PCDH9: variants seen among roughly 807,000 people sequenced by gnomAD.
PCDH9 encodes the protein protocadherin 9.
PCDH9 carries 24 observed loss-of-function variants against 70.6 expected under a neutral mutation model. The ratio of observed to expected loss-of-function variants is 0.34; its 90% CI spans 0.25 to 0.48. PCDH9 has a LOEUF of 0.48. PCDH9 is among the 20% of genes least tolerant of loss of function. PCDH9 has a pLI of 0.99. For synonymous variants in PCDH9, 562 were observed against 558.5 expected (o/e 1.01, Z -0.09); for missense variants, 1,281 against 1,503.6 (o/e 0.85, Z 2.45).
At chr13:67,076,295 A>C (rs1005592433) in intron 2 of PCDH9, among the ~76,000 whole-genome samples, 3 of 152,158 alleles carry the variant, frequency 2.0e-5, no homozygotes, top group Non-Finnish European at 4.4e-5. Flanking sequence ...AGAGCATTTG[A>C]ATTTGTGAGA....
chr13:67,097,640 G>A lies in PCDH9; in HGVS notation c.3036+127765C>T, dbSNP rs114337271. Among the ~76,000 whole-genome samples, 1,391 of 152,102 alleles carry A rather than the reference G, an allele frequency of 9.1e-3. 22 individuals are homozygous for A. The highest frequency in any genetic ancestry group is 0.031 in the African/African-American group (1,300 of 41,498). On this transcript the variant is annotated intron_variant, in intron 2 of 4. Coordinates refer to ENST00000377865, the MANE Select transcript of PCDH9 (RefSeq NM_203487.3). ...TTCTGCTCTCACAATCATTTGACCT[G>A]TAATTACTGATTTCAGTAAAAACAA...
At chr13:66,807,437 AT>A in intron 3 of PCDH9, among the ~76,000 whole-genome samples, 1 of 152,304 alleles carries the variant, frequency 6.6e-6, no homozygotes, top group East Asian at 1.9e-4. Context: ...AAAAACAAAT[AT>A]TATGGGGTGT....
chr13:66,983,412 AAAG>A (rs1424376132), intron 2 of PCDH9, among the ~76,000 whole-genome samples: 1 of 152,188 alleles, frequency 6.6e-6, no homozygotes, highest in East Asian at 1.9e-4. Flanking sequence ...CTAAGAAAAA[AAAG>A]TTTTCATTTC....
At chr13:66,606,503 T>C (rs1296218170) in intron 4 of PCDH9, among the ~76,000 whole-genome samples, 1 of 152,120 alleles carries the variant, frequency 6.6e-6, no homozygotes, top group African/African-American at 2.4e-5. Flanking sequence ...GTTAGGATGA[T>C]AATAGGTCTT....
At chr13:66,894,107 CT>C (rs2082138015) in intron 3 of PCDH9, among the ~76,000 whole-genome samples, 1 of 152,126 alleles carries the variant, frequency 6.6e-6, no homozygotes, top group African/African-American at 2.4e-5. Flanking sequence ...CTCTTTCTCT[CT>C]CATGCATAAG....
chr13:66,385,301 T>G (rs1475282992), intron 4 of PCDH9, among the ~76,000 whole-genome samples: 1 of 152,152 alleles, frequency 6.6e-6, no homozygotes, highest in Non-Finnish European at 1.5e-5. Flanking sequence ...TCTGTATGTA[T>G]AGTACAAAGA....
intron 3 of PCDH9, among the ~76,000 whole-genome samples, chr13:66,730,935 G>A (rs2079071741): frequency 1.5e-5 from 2 of 130,542 alleles, no homozygotes. Context: ...ATGCTGCCGA[G>A]GCTGTCTCAA....
At chr13:66,359,788 C>T (rs1028300559) in intron 4 of PCDH9, among the ~76,000 whole-genome samples, 12 of 152,142 alleles carry the variant, frequency 7.9e-5, no homozygotes, top group Non-Finnish European at 1.5e-4. Context: ...CTAAGCTTAA[C>T]CATTCAGTTT....
chr13:66,617,548 T>G (rs2077371357), intron 4 of PCDH9, among the ~76,000 whole-genome samples: 1 of 152,120 alleles, frequency 6.6e-6, no homozygotes, highest in South Asian at 2.1e-4. Context: ...AACCTTAAAC[T>G]GGTTGACTTA....
intron 2 of PCDH9, among the ~76,000 whole-genome samples, chr13:66,983,811 T>C (rs1379040478): frequency 6.6e-6 from 1 of 151,662 alleles, no homozygotes; most frequent in Non-Finnish European, 1.5e-5. Flanking sequence ...ACCCAATCGT[T>C]TTTTTTGTTT....
At chr13:66,938,239 C>A (rs934019942) in intron 2 of PCDH9, among the ~76,000 whole-genome samples, 2 of 152,084 alleles carry the variant, frequency 1.3e-5, no homozygotes, top group Non-Finnish European at 2.9e-5. Context: ...AAGAAGAAGG[C>A]ATCAACAGGG....
At chr13:66,623,780 TCA>T (rs1421928561) in intron 4 of PCDH9, among the ~76,000 whole-genome samples, 5 of 152,208 alleles carry the variant, frequency 3.3e-5, no homozygotes, top group African/African-American at 1.2e-4. Flanking sequence ...TTTCTGAATT[TCA>T]GTTTACTTAT....
chr13:66,837,022 G>C (rs2139420722), intron 3 of PCDH9, among the ~76,000 whole-genome samples: 2 of 152,276 alleles, frequency 1.3e-5, no homozygotes, highest in Middle Eastern at 6.8e-3. Flanking sequence ...CCTCTTGTCA[G>C]CATCCACATA....
At chr13:66,353,585 T>C (rs1474061402) in intron 4 of PCDH9, among the ~76,000 whole-genome samples, 1 of 152,204 alleles carries the variant, frequency 6.6e-6, no homozygotes, top group South Asian at 2.1e-4. Flanking sequence ...AATTATTCTG[T>C]ATACCTTTCA....
At chr13:66,486,073 T>C (rs1451441788) in intron 4 of PCDH9, among the ~76,000 whole-genome samples, 1 of 152,166 alleles carries the variant, frequency 6.6e-6, no homozygotes. Flanking sequence ...TGTTATCATA[T>C]ACAATATGCA....
At chr13:66,575,612 G>A (rs2076803721) in intron 4 of PCDH9, among the ~76,000 whole-genome samples, 1 of 151,936 alleles carries the variant, frequency 6.6e-6, no homozygotes, top group Admixed American at 6.6e-5. Context: ...CCTCCCTCTA[G>A]GCCTCAGAAT....
intron 2 of PCDH9, among the ~76,000 whole-genome samples, chr13:67,188,165 T>A (rs2088810317): frequency 6.6e-6 from 1 of 152,182 alleles, no homozygotes; most frequent in Non-Finnish European, 1.5e-5. Flanking sequence ...ACCTGTGTCA[T>A]ATGCTTATCA....
intron 4 of PCDH9, among the ~76,000 whole-genome samples, chr13:66,375,652 G>A (rs141588193): frequency 9.1e-4 from 139 of 152,084 alleles, no homozygotes; most frequent in Non-Finnish European, 1.7e-3. Flanking sequence ...CTAAATTACA[G>A]GCAGAAGTAA....
chr13:66,465,170 A>T (rs1958495307), intron 4 of PCDH9, among the ~76,000 whole-genome samples: 1 of 151,930 alleles, frequency 6.6e-6, no homozygotes, highest in Non-Finnish European at 1.5e-5. Context: ...TGCAGCATCC[A>T]CACAACAGCC....
Sources: gnomAD v4.1 joint callset for allele counts (sites outside exome capture counted in the v4.1 genomes callset) on GRCh38, gnomAD v4.1.1 for gene constraint, MANE v1.5 for transcripts, NCBI Gene and HGNC (gene_info 2026-07-23, HGNC 2026-07-21) for gene names.